Variants in CAMKMT observed in about 807,000 individuals in gnomAD.
CAMKMT encodes CaM KMT.
A neutral mutation model predicts 48.0 loss-of-function variants in CAMKMT; 53 were observed. The observed-to-expected ratio is 1.10, with a 90% CI of 0.89 to 1.39. The LOEUF is 1.39. Among genes scored for constraint, CAMKMT ranks in the 40% most tolerant of loss-of-function variants. CAMKMT has a pLI of 0.00. For synonymous variants in CAMKMT, 165 were observed against 152.3 expected, an observed-to-expected ratio of 1.08 and a Z score of -0.61; for missense variants, 428 against 402.7, an observed-to-expected ratio of 1.06 and a Z score of -0.54.
At chr2:44,523,781 T>G (rs1671254341) in intron 3 of CAMKMT, among the ~76,000 whole-genome samples, 1 of 145,036 alleles carries the variant, frequency 6.9e-6, no homozygotes, top group African/African-American at 2.6e-5. Flanking sequence ...TTTTTTTTTT[T>G]TTTTTTTTTT....
At chr2:44,549,349 G>A (rs1320980842) in intron 3 of CAMKMT, among the ~76,000 whole-genome samples, 3 of 150,666 alleles carry the variant, frequency 2.0e-5, no homozygotes, top group Non-Finnish European at 4.4e-5. Flanking sequence ...TATGATTATA[G>A]TTTTATAATC....
rs143479772 is a variant in CAMKMT, at chr2:44,387,655, T to C, written c.312-2586T>C. ...GATTTATGCTTTAAAGAGGTTCTACTTTGATGTGTTTCCAGGATTTGCTTC... is the reference window on the plus strand; with the variant it reads ...GATTTATGCTTTAAAGAGGTTCTACCTTGATGTGTTTCCAGGATTTGCTTC... On this transcript the variant is annotated intron_variant, in intron 2 of 10. Transcript: ENST00000378494. Among the ~76,000 whole-genome samples the C allele has an allele frequency of 4.8e-3, 727 of 152,310 alleles. 8 individuals are homozygous for C. The highest frequency in any genetic ancestry group is 0.017 in the African/African-American group (690 of 41,552).
intron 1 of CAMKMT, among the ~76,000 whole-genome samples, chr2:44,364,135 C>T (rs1490660021): frequency 6.6e-6 from 1 of 151,084 alleles, no homozygotes; most frequent in East Asian, 2.0e-4. Flanking sequence ...AGGGGTATGC[C>T]ATGATACCTG....
At chr2:44,500,763 C>A (rs1669968340) in intron 3 of CAMKMT, among the ~76,000 whole-genome samples, 1 of 151,068 alleles carries the variant, frequency 6.6e-6, no homozygotes, top group Non-Finnish European at 1.5e-5. Flanking sequence ...CTCACTGTAA[C>A]CTTTGCCTCC....
intron 3 of CAMKMT, among the ~76,000 whole-genome samples, chr2:44,606,340 A>C (rs1671279609): frequency 6.6e-6 from 1 of 151,924 alleles, no homozygotes; most frequent in African/African-American, 2.4e-5. Flanking sequence ...TACCTCTCAA[A>C]ATGACAAATA....
At position 44,528,168 on chromosome 2, in the gene CAMKMT, AT is replaced by A. The variant is rs1218702146; in HGVS notation, c.376+137864del. On this transcript the variant is annotated intron_variant, in intron 3 of 10. Coordinates refer to ENST00000378494, the MANE Select transcript of CAMKMT (RefSeq NM_024766.5). The stretch of plus-strand genomic sequence containing the variant: ...CCCTTTCTTTCTTTTGTTGATTGTC[AT>A]AAATATAAGCATTTTTTTTCTTTTT... 7.9e-5 allele frequency among the ~76,000 whole-genome samples: 12 copies of A among 152,284 alleles called. No individual in the cohort carries two copies. In the East Asian group the frequency reaches 2.3e-3, roughly 29 times the overall value.
chr2:44,451,412 A>G (rs2104591409), intron 3 of CAMKMT, among the ~76,000 whole-genome samples: 1 of 151,874 alleles, frequency 6.6e-6, no homozygotes, highest in Non-Finnish European at 1.5e-5. Flanking sequence ...TTTTTGGAGG[A>G]TCTGTTCTTT....
intron 3 of CAMKMT, among the ~76,000 whole-genome samples, chr2:44,529,035 A>T (rs1488181449): frequency 6.6e-6 from 1 of 152,102 alleles, no homozygotes. Flanking sequence ...TATTAGTTGG[A>T]CTATTTCTAT....
chr2:44,679,944 G>T (rs796930984), intron 3 of CAMKMT, among the ~76,000 whole-genome samples: 3 of 152,326 alleles, frequency 2.0e-5, no homozygotes, highest in African/African-American at 7.2e-5. Flanking sequence ...AAAATTTGAA[G>T]GACTTCATCT....
chr2:44,415,589 A>G (rs1262429567), intron 3 of CAMKMT, among the ~76,000 whole-genome samples: 1 of 152,190 alleles, frequency 6.6e-6, no homozygotes, highest in East Asian at 1.9e-4. Flanking sequence ...ACTTGTATAA[A>G]TTTCTAATGT....
chr2:44,542,145 A>G (rs1667148619), intron 3 of CAMKMT, among the ~76,000 whole-genome samples: 1 of 151,774 alleles, frequency 6.6e-6, no homozygotes, highest in Non-Finnish European at 1.5e-5. Context: ...AAAAAAAAAA[A>G]GGCCATATCT....
At chr2:44,457,473 A>C (rs1667624101) in intron 3 of CAMKMT, among the ~76,000 whole-genome samples, 1 of 147,984 alleles carries the variant, frequency 6.8e-6, no homozygotes, top group African/African-American at 2.5e-5. Context: ...ATCTTGGCTC[A>C]CTGCAACCTC....
chr2:44,650,954 A>G (rs575580057), intron 3 of CAMKMT, among the ~76,000 whole-genome samples: 1 of 152,240 alleles, frequency 6.6e-6, no homozygotes, highest in Admixed American at 6.5e-5. Flanking sequence ...CCCAATAGCT[A>G]GCTGGTCAAA....
At chr2:44,560,521 C>T (rs888785648) in intron 3 of CAMKMT, among the ~76,000 whole-genome samples, 4 of 152,212 alleles carry the variant, frequency 2.6e-5, no homozygotes, top group Non-Finnish European at 5.9e-5. Context: ...ATCTTCCTGC[C>T]TTGGCCTTCC....
At position 44,431,754 on chromosome 2, in the gene CAMKMT, G is replaced by A. The variant is rs1050557136; in HGVS notation, c.376+41449G>A. The stretch of plus-strand genomic sequence containing the variant: ...GGTTTTAGGCTTATCATCTTGTGCT[G>A]TCGGGTTAGGCCTTTCTTCTGGTGG... On this transcript the variant is annotated intron_variant, in intron 3 of 10. Coordinates refer to ENST00000378494, the MANE Select transcript of CAMKMT (RefSeq NM_024766.5). Among the ~76,000 whole-genome samples, 4 of 152,240 alleles carry A rather than the reference G, an allele frequency of 2.6e-5. No individual in the cohort carries two copies. In the East Asian group the frequency reaches 7.7e-4, roughly 29 times the overall value.
intron 3 of CAMKMT, among the ~76,000 whole-genome samples, chr2:44,470,174 T>C (rs1180011067): frequency 2.6e-5 from 4 of 152,172 alleles, no homozygotes; most frequent in Non-Finnish European, 5.9e-5. Flanking sequence ...GAGGGTTGTG[T>C]CAATATAGCT....
intron 3 of CAMKMT, among the ~76,000 whole-genome samples, chr2:44,614,936 C>CTTTTTTTTTTTTGTTTTTTTTTTTTTTTT (rs1671792979): frequency 2.0e-5 from 1 of 48,990 alleles, no homozygotes; most frequent in African/African-American, 1.0e-4. Flanking sequence ...GGTCTCCTTG[C>CTTTTTTTTTTTTGTTTTTTTTTTTTTTTT]TTTTTTTTTT....
chr2:44,757,956 A>G (rs1341914645), intron 9 of CAMKMT, among the ~76,000 whole-genome samples: 3 of 152,082 alleles, frequency 2.0e-5, no homozygotes, highest in Non-Finnish European at 4.4e-5. Flanking sequence ...GACTTTGAGA[A>G]TTTCTGCACA....
intron 2 of CAMKMT, among the ~76,000 whole-genome samples, chr2:44,381,562 G>T (rs1003478462): frequency 2.0e-5 from 3 of 152,122 alleles, no homozygotes; most frequent in Admixed American, 6.6e-5. Context: ...ACAAAATTGG[G>T]CACAATCTTA....
Sources: gnomAD v4.1 joint callset for allele counts (sites outside exome capture counted in the v4.1 genomes callset) on GRCh38, gnomAD v4.1.1 for gene constraint, MANE v1.5 for transcripts, NCBI Gene and HGNC (gene_info 2026-07-23, HGNC 2026-07-21) for gene names.